Variants in RGS12 observed in about 807,000 individuals in gnomAD.
RGS12 encodes regulator of G protein signaling 12.
RGS12 carries 66 observed loss-of-function variants against 120.1 expected under a neutral mutation model. The observed-to-expected ratio is 0.55, with a 90% confidence interval of 0.45 to 0.67. The LOEUF is 0.67. Among genes scored for constraint, RGS12 ranks in the 30% least tolerant of loss-of-function variants. The pLI is 0.00. For missense variants in RGS12, 1,859 were observed against 1,957.7 expected, an observed-to-expected ratio of 0.95 and a Z score of 0.95; for synonymous variants, 827 against 804.7, an observed-to-expected ratio of 1.03 and a Z score of -0.47.
chr4:3,398,775 G>A (rs1290711301), intron 4 of RGS12, among the ~76,000 whole-genome samples: 2 of 151,898 alleles, frequency 1.3e-5, no homozygotes, highest in African/African-American at 4.8e-5. Flanking sequence ...TATGTGAATG[G>A]AAAAATGAGC....
chr4:3,307,699 A>T (rs28656012), intron 1 of RGS12, among the ~76,000 whole-genome samples: 2,038 of 152,226 alleles, frequency 0.013, 47 homozygotes, highest in African/African-American at 0.047. Context: ...TCGTGCCTAG[A>T]ACTGTGCCTG....
At chr4:3,288,106 G>A (rs377492558), upstream of RGS12, among the ~76,000 whole-genome samples, 48 of 152,354 alleles carry the variant, frequency 3.2e-4, no homozygotes, top group African/African-American at 9.9e-4. The surrounding 1 kb of genome is among the most constrained non-coding windows in gnomAD (Gnocchi z 5.2). Context: ...CTGCGTGCTC[G>A]TTGCTCTGAG....
chr4:3,421,618 A>G lies in RGS12; in HGVS notation c.2839-758A>G, dbSNP rs192228066. Among the ~76,000 whole-genome samples the G allele has an allele frequency of 4.9e-3, 751 of 152,334 alleles. 5 individuals are homozygous for G. Among genetic ancestry groups the G allele is most frequent in the Non-Finnish European group, 6.0e-3 (409 of 68,032 alleles). ...ATGGCTGGCCCTTGGCTGGGGAAGG[A>G]GCACTGACAGGACCCTTCGTTCGCC... On this transcript the variant is annotated intron_variant, in intron 10 of 17. Transcript: ENST00000336727.
At chr4:3,303,578 C>G (rs1723803081) in intron 1 of RGS12, among the ~76,000 whole-genome samples, 1 of 152,204 alleles carries the variant, frequency 6.6e-6, no homozygotes, top group Non-Finnish European at 1.5e-5. Context: ...TCCTCAGCAA[C>G]TTGAGCTTGC....
chr4:3,409,181 G>C (rs16843157), intron 4 of RGS12, among the ~76,000 whole-genome samples: 41,632 of 152,050 alleles, frequency 0.27, 5,928 homozygotes, highest in East Asian at 0.5. Context: ...GCTCTCTCAG[G>C]AGGGTCTGCC....
In RGS12 at chr4:3,365,290, C is replaced by T. The variant is rs573990869; in HGVS notation, c.1999-21126C>T. Among the ~76,000 whole-genome samples the T allele has an allele frequency of 4.7e-4, 72 of 152,214 alleles. 1 individual carries two copies. The South Asian group carries it at 0.014, about 30-fold the overall frequency. ...TCATGCTACAGCGGCAGAGTGGGGT[C>T]GAGTGCGTGGTGTCGCCTGCACAGC... On this transcript the variant is annotated intron_variant, in intron 3 of 17. Coordinates refer to ENST00000336727, the MANE Select transcript of RGS12 (RefSeq NM_001394154.1). This position sits in a 1 kb window ranked among gnomAD's most constrained non-coding sequence, Gnocchi z 4.0.
intron 1 of RGS12, among the ~76,000 whole-genome samples, chr4:3,300,116 C>G (rs1245214312): frequency 6.6e-6 from 1 of 152,212 alleles, no homozygotes; most frequent in African/African-American, 2.4e-5. Flanking sequence ...GTCCTGGTCA[C>G]CATTAGCGAT....
At chr4:3,436,018 T>C (rs1209636503) in intron 17 of RGS12, among the ~76,000 whole-genome samples, 1 of 152,110 alleles carries the variant, frequency 6.6e-6, no homozygotes, top group East Asian at 1.9e-4. Flanking sequence ...CTGGGCGCTG[T>C]CCACTCCCTC....
chr4:3,423,091 T>C, intron 12 of RGS12, 113 bp downstream of exon 12: 4 of 441,912 alleles, frequency 9.1e-6, no homozygotes, highest in Non-Finnish European at 1.3e-5. Flanking sequence ...CATGCTGGGC[T>C]ACGATGGGGT....
In RGS12 at chr4:3,430,518, C is replaced by G. The variant is rs776868802; in HGVS notation, c.3677C>G (p.Ser1226Cys). 2 of 1,613,600 alleles carry G rather than the reference C, an allele frequency of 1.2e-6. No homozygotes were observed. Among genetic ancestry groups the G allele is most frequent in the Admixed American group, 1.7e-5 (1 of 60,028 alleles). ...LPEFLRLPPG[S>C]TELTLPTPAA... ...GAGTTCCTCCGTTTACCTCCTGGTT[C>G]CACAGAACTCACCCTCCCCACTCCA... The change falls in exon 17 of 18, where the codon TCC becomes TGC. Residue 1226 changes from serine to cysteine, a missense_variant. This residue lies in a region of RGS12 where 517 missense variants were observed against 488.5 expected (regional missense o/e 1.06). Transcript: ENST00000336727.
At chr4:3,362,004 C>T (rs1468905636) in intron 3 of RGS12, among the ~76,000 whole-genome samples, 7 of 152,182 alleles carry the variant, frequency 4.6e-5, no homozygotes, top group Non-Finnish European at 2.9e-5. Context: ...CAGGAGCCAG[C>T]GTGTAGCGCT....
intron 6 of RGS12, among the ~76,000 whole-genome samples, chr4:3,415,072 T>C (rs1722224709): frequency 9.1e-6 from 1 of 109,608 alleles, no homozygotes. Context: ...GAGGGGCGTG[T>C]GAGGTCGCGT....
At chr4:3,432,817 A>G (rs1724451247) in intron 17 of RGS12, among the ~76,000 whole-genome samples, 1 of 152,148 alleles carries the variant, frequency 6.6e-6, no homozygotes, top group South Asian at 2.1e-4. Context: ...GTCTCCTAGG[A>G]GGAGACCCAG....
intron 9 of RGS12, 46 bp downstream of exon 9, chr4:3,417,587 G>A (rs748625446): frequency 7.5e-6 from 12 of 1,594,638 alleles, no homozygotes; most frequent in East Asian, 6.7e-5. Context: ...CCAGGCAGCC[G>A]CGTCCCCGTC....
intron 3 of RGS12, among the ~76,000 whole-genome samples, chr4:3,380,222 C>G (rs1363539210): frequency 6.6e-6 from 1 of 152,276 alleles, no homozygotes. Context: ...ACTCCCATGT[C>G]CCACATCCAG....
At chr4:3,297,918 G>T (rs71608267) in intron 1 of RGS12, among the ~76,000 whole-genome samples, 15,573 of 151,916 alleles carry the variant, frequency 0.1, 1,257 homozygotes, top group African/African-American at 0.22. Context: ...TATTTTTTTT[G>T]GTCCTTGATT....
intron 2 of RGS12, among the ~76,000 whole-genome samples, chr4:3,342,177 T>C (rs1713303902): frequency 6.6e-6 from 1 of 152,062 alleles, no homozygotes; most frequent in South Asian, 2.1e-4. Context: ...AATCTTGACA[T>C]AAACAGGTTC....
intron 3 of RGS12, among the ~76,000 whole-genome samples, chr4:3,357,898 G>A (rs1453984174): frequency 6.6e-6 from 1 of 152,128 alleles, no homozygotes; most frequent in African/African-American, 2.4e-5. Flanking sequence ...AAAAGTCATT[G>A]GGATTTCAAT....
Position 3,317,021 on chromosome 4 carries a change from G to A in RGS12, c.851G>A (p.Ser284Asn), listed in dbSNP as rs745481340. The change falls in exon 2 of 18, where the codon AGC becomes AAC. Residue 284 changes from serine to asparagine, a missense_variant. Coordinates refer to ENST00000336727, the MANE Select transcript of RGS12 (RefSeq NM_001394154.1). The part of the protein sequence containing the change: ...MKIMHDCVQL[S>N]TDKAGVVAEY... ...ATCATGCACGACTGTGTGCAGCTGAGCACTGACAAGGCTGGAGTCGTGGCC... is the reference window on the plus strand; with the variant it reads ...ATCATGCACGACTGTGTGCAGCTGAACACTGACAAGGCTGGAGTCGTGGCC... 2 of 1,613,764 alleles carry A rather than the reference G, an allele frequency of 1.2e-6. No homozygotes were observed. The highest frequency in any genetic ancestry group is 1.7e-6 in the Non-Finnish European group (2 of 1,180,032).
Sources: allele counts gnomAD v4.1 joint callset (sites outside exome capture counted in the v4.1 genomes callset), GRCh38; gene constraint gnomAD v4.1.1; regional missense constraint gnomAD v4.1.1; non-coding constraint Gnocchi (gnomAD v3.1); transcripts MANE v1.5; gene names NCBI Gene and HGNC (gene_info 2026-07-23, HGNC 2026-07-21).